AUTS2: variants seen among roughly 807,000 people sequenced by gnomAD.
The protein encoded by AUTS2 is autism susceptibility gene 2 protein.
In AUTS2, 17 loss-of-function variants were observed where a neutral mutation model predicts 112.4. The observed-to-expected ratio is 0.15, with a 90% CI of 0.10 to 0.23. The LOEUF is 0.23. Among genes scored for constraint, AUTS2 ranks in the 10% least tolerant of loss-of-function variants. AUTS2 has a pLI of 1.00. For missense variants in AUTS2, 1,510 were observed against 1,701.6 expected (o/e 0.89, Z 1.98); for synonymous variants, 751 against 702.7 (o/e 1.07, Z -1.09).
intron 4 of AUTS2, among the ~76,000 whole-genome samples, chr7:70,431,542 C>A (rs566208932): frequency 6.6e-6 from 1 of 152,298 alleles, no homozygotes; most frequent in Admixed American, 6.5e-5. Context: ...CGTGCCACCA[C>A]GCCCGGCTAA....
intron 1 of AUTS2, among the ~76,000 whole-genome samples, chr7:69,689,640 TTTTATTTATTTA>T (rs56128460): frequency 0.27 from 32,357 of 119,072 alleles, 5,201 homozygotes; most frequent in Non-Finnish European, 0.34. Context: ...GCACCCGGCC[TTTTATTTATTTA>T]TTTATTTATT....
intron 1 of AUTS2, among the ~76,000 whole-genome samples, chr7:69,870,683 CTG>C (rs1793457257): frequency 6.6e-6 from 1 of 151,766 alleles, no homozygotes; most frequent in Non-Finnish European, 1.5e-5. Flanking sequence ...TCAGGACAGA[CTG>C]TATAAGTTAC....
chr7:69,793,860 T>A (rs541215271), intron 1 of AUTS2, among the ~76,000 whole-genome samples: 2 of 152,274 alleles, frequency 1.3e-5, no homozygotes, highest in African/African-American at 4.8e-5. Flanking sequence ...ATAAATAGGC[T>A]GTCATTCAGA....
intron 5 of AUTS2, among the ~76,000 whole-genome samples, chr7:70,462,849 C>T (rs565102662): frequency 7.1e-4 from 108 of 151,928 alleles, no homozygotes; most frequent in African/African-American, 2.4e-3. Flanking sequence ...CACAGCTACT[C>T]GGGAGGCTGA....
chr7:70,533,875 G>A (rs1333554598), intron 5 of AUTS2, among the ~76,000 whole-genome samples: 1 of 152,212 alleles, frequency 6.6e-6, no homozygotes, highest in African/African-American at 2.4e-5. Context: ...TGGCAGGCAA[G>A]CTTGGCACCA....
At chr7:70,443,139 A>T (rs1279752472) in intron 5 of AUTS2, among the ~76,000 whole-genome samples, 1 of 152,180 alleles carries the variant, frequency 6.6e-6, no homozygotes, top group East Asian at 1.9e-4. Context: ...AAATGTACAG[A>T]TTTTCAATTA....
At chr7:70,714,200 A>G (rs1039853611) in intron 6 of AUTS2, among the ~76,000 whole-genome samples, 6 of 152,180 alleles carry the variant, frequency 3.9e-5, no homozygotes, top group Non-Finnish European at 8.8e-5. Context: ...ACAAAATGAA[A>G]ATTTTCAACT....
chr7:69,821,353 A>G (rs1790982041), intron 1 of AUTS2, among the ~76,000 whole-genome samples: 1 of 152,176 alleles, frequency 6.6e-6, no homozygotes, highest in Non-Finnish European at 1.5e-5. Flanking sequence ...TGCACCAATC[A>G]GCACTCTGTG....
chr7:69,665,968 T>C (rs1045980748), intron 1 of AUTS2, among the ~76,000 whole-genome samples: 2 of 152,194 alleles, frequency 1.3e-5, no homozygotes, highest in Non-Finnish European at 2.9e-5. Context: ...ATCACGGAGT[T>C]AGAGTGCTAT....
intron 1 of AUTS2, among the ~76,000 whole-genome samples, chr7:69,788,952 A>G (rs1789498209): frequency 6.6e-6 from 1 of 152,170 alleles, no homozygotes; most frequent in African/African-American, 2.4e-5. Flanking sequence ...TTGTTTTCCA[A>G]CAACAGGAAA....
intron 1 of AUTS2, among the ~76,000 whole-genome samples, chr7:69,688,875 ATTTG>A (rs1473952338): frequency 6.6e-6 from 1 of 152,182 alleles, no homozygotes; most frequent in East Asian, 1.9e-4. Context: ...CATATTTTAT[ATTTG>A]TTCACTTCAA....
intron 4 of AUTS2, among the ~76,000 whole-genome samples, chr7:70,381,981 G>A (rs1473699955): frequency 6.6e-6 from 1 of 152,102 alleles, no homozygotes; most frequent in Non-Finnish European, 1.5e-5. Context: ...AAGACTAAAA[G>A]TCTTCACTCA....
intron 5 of AUTS2, among the ~76,000 whole-genome samples, chr7:70,584,880 G>A (rs1802611744): frequency 6.6e-6 from 1 of 152,248 alleles, no homozygotes; most frequent in Admixed American, 6.5e-5. Context: ...CACACAGGTG[G>A]AAGCCTGGCC....
chr7:70,757,394 A>G (rs943409802), intron 6 of AUTS2, among the ~76,000 whole-genome samples: 1 of 152,082 alleles, frequency 6.6e-6, no homozygotes, highest in Non-Finnish European at 1.5e-5. Flanking sequence ...CAGCTAGGTA[A>G]TTATATTTTT....
chr7:70,548,747 C>G (rs1017412300), intron 5 of AUTS2, among the ~76,000 whole-genome samples: 8 of 152,096 alleles, frequency 5.3e-5, no homozygotes, highest in African/African-American at 1.9e-4. Context: ...ATTTCTATTC[C>G]TTTGATCTAT....
At chr7:70,764,084 C>T (rs1789748906) in intron 7 of AUTS2, among the ~76,000 whole-genome samples, 1 of 152,164 alleles carries the variant, frequency 6.6e-6, no homozygotes, top group Non-Finnish European at 1.5e-5. Context: ...CGGCACAGCT[C>T]CTGAGGCTGT....
intron 2 of AUTS2, among the ~76,000 whole-genome samples, chr7:69,975,575 T>C (rs558221187): frequency 1.3e-5 from 2 of 152,186 alleles, no homozygotes; most frequent in Non-Finnish European, 1.5e-5. Context: ...TTTCAGTCTC[T>C]TTTTTTCTCT....
At chr7:70,359,724 A>G (rs1005771535) in intron 4 of AUTS2, among the ~76,000 whole-genome samples, 1 of 152,126 alleles carries the variant, frequency 6.6e-6, no homozygotes, top group African/African-American at 2.4e-5. Flanking sequence ...ACCTCCCAAC[A>G]CTGCCACACT....
intron 4 of AUTS2, among the ~76,000 whole-genome samples, chr7:70,165,198 A>T (rs915630714): frequency 7.9e-5 from 12 of 152,322 alleles, no homozygotes; most frequent in Admixed American, 7.8e-4. Flanking sequence ...TAAAAAATGG[A>T]GCATTGCCAT....
Sources: gnomAD v4.1 joint callset for allele counts (sites outside exome capture counted in the v4.1 genomes callset) on GRCh38, gnomAD v4.1.1 for gene constraint, MANE v1.5 for transcripts, NCBI Gene and HGNC (gene_info 2026-07-23, HGNC 2026-07-21) for gene names.